CHSY1: variants seen among roughly 807,000 people sequenced by gnomAD.
CHSY1 encodes the protein chondroitin sulfate synthase 1.
CHSY1 carries 13 observed loss-of-function variants against 59.8 expected under a neutral mutation model. The ratio of observed to expected loss-of-function variants is 0.22; its 90% CI spans 0.14 to 0.35. CHSY1 has a LOEUF of 0.35. Among genes scored for constraint, CHSY1 ranks in the 10% least tolerant of loss-of-function variants. The probability of loss-of-function intolerance (pLI) is 1.00; values close to 1 mark genes in which losing one functional copy is unlikely to be tolerated. For missense variants in CHSY1, 947 were observed against 1,030.6 expected (o/e 0.92, Z 1.11); for synonymous variants, 459 against 401.2 (o/e 1.14, Z -1.72).
chr15:101,248,953 A>AT (rs565187410), intron 1 of CHSY1, among the ~76,000 whole-genome samples: 2,637 of 111,304 alleles, frequency 0.024, 36 homozygotes, highest in East Asian at 0.056. Flanking sequence ...AGCCTGGCTA[A>AT]TTTTTTTTTT....
intron 2 of CHSY1, among the ~76,000 whole-genome samples, chr15:101,191,846 A>G (rs1004272737): frequency 6.6e-6 from 1 of 152,102 alleles, no homozygotes; most frequent in African/African-American, 2.4e-5. Flanking sequence ...CTGGCTTCTC[A>G]TTTATAATAA....
In CHSY1 at chr15:101,250,971, G is replaced by C. The variant is rs552496579; in HGVS notation, c.320+166C>G. 7.2e-5 allele frequency among the ~76,000 whole-genome samples: 11 copies of C among 152,300 alleles called. No homozygotes were observed. In the South Asian group the frequency reaches 2.1e-3, roughly 29 times the overall value. Reference sequence around the variant, plus strand: ...GCGCCGCGCTCACCATCCCGCCTCTGATCTTTTCTCCCTCGGCCCGGCGTC... The same window carrying C: ...GCGCCGCGCTCACCATCCCGCCTCTCATCTTTTCTCCCTCGGCCCGGCGTC... On this transcript the variant is annotated intron_variant, in intron 1 of 2. Coordinates refer to ENST00000254190, the MANE Select transcript of CHSY1 (RefSeq NM_014918.5).
intron 1 of CHSY1, among the ~76,000 whole-genome samples, chr15:101,236,504 A>C (rs1291309464): frequency 6.6e-6 from 1 of 152,126 alleles, no homozygotes; most frequent in African/African-American, 2.4e-5. Flanking sequence ...CTCCCCAGCT[A>C]TGTGGAACTG....
intron 1 of CHSY1, among the ~76,000 whole-genome samples, chr15:101,237,235 A>C (rs933151308): frequency 5.8e-4 from 88 of 151,306 alleles, no homozygotes; most frequent in African/African-American, 2.0e-3. Flanking sequence ...AAAAAAAAAA[A>C]AAAAAAAAAA....
At chr15:101,230,887 T>C (rs1238665374) in intron 2 of CHSY1, among the ~76,000 whole-genome samples, 2 of 152,222 alleles carry the variant, frequency 1.3e-5, no homozygotes, top group African/African-American at 2.4e-5. Flanking sequence ...TGGCCATTCA[T>C]GTTTCAATCT....
intron 1 of CHSY1, among the ~76,000 whole-genome samples, chr15:101,236,355 A>C (rs768083716): frequency 6.6e-6 from 1 of 152,154 alleles, no homozygotes; most frequent in Non-Finnish European, 1.5e-5. Context: ...AGCTTCCCCC[A>C]CACTGTTCTC....
intron 1 of CHSY1, among the ~76,000 whole-genome samples, chr15:101,239,137 A>T (rs1252513375): frequency 6.6e-6 from 1 of 152,234 alleles, no homozygotes; most frequent in Admixed American, 6.5e-5. Flanking sequence ...CAGTCGCAAC[A>T]ATTCTTTGAA....
chr15:101,220,795 G>A (rs1206582776), intron 2 of CHSY1, among the ~76,000 whole-genome samples: 1 of 152,204 alleles, frequency 6.6e-6, no homozygotes, highest in African/African-American at 2.4e-5. Flanking sequence ...CTCAGTCATG[G>A]ACGTAATCAC....
chr15:101,237,220 T>C (rs1250420060), intron 1 of CHSY1, among the ~76,000 whole-genome samples: 2 of 71,974 alleles, frequency 2.8e-5, no homozygotes, highest in Non-Finnish European at 4.8e-5. Flanking sequence ...CAAGACTCCA[T>C]CTAAAAAAAA....
At chr15:101,218,995 A>C (rs1202099692) in intron 2 of CHSY1, among the ~76,000 whole-genome samples, 1 of 152,210 alleles carries the variant, frequency 6.6e-6, no homozygotes, top group African/African-American at 2.4e-5. Context: ...ATTAGAGTTC[A>C]AACTGCAGGC....
At chr15:101,195,498 C>T (rs950578081) in intron 2 of CHSY1, among the ~76,000 whole-genome samples, 1 of 152,176 alleles carries the variant, frequency 6.6e-6, no homozygotes, top group Admixed American at 6.5e-5. Context: ...ATGTGTCAAC[C>T]GAAAGCTACA....
chr15:101,178,164 C>G lies in CHSY1; in HGVS notation c.1633G>C (p.Asp545His). The part of the protein sequence containing the change: ...NILIPLSGRF[D>H]MFVRFMGNFE... ...TTTCCCATAAATCTCACAAACATGT[C>G]GAAACGCCCAGACAAAGGAATCAGT... Residue 545 changes from aspartate to histidine, a missense_variant, in exon 3 of 3, where the codon GAC (aspartate) becomes CAC (histidine). Asp to His is a moderately conservative substitution (Grantham distance 81, BLOSUM62 -1). This residue lies in a region of CHSY1 where 602 missense variants were observed against 676.9 expected (regional missense o/e 0.89). Transcript: ENST00000254190. 2 of 1,614,170 alleles carry G rather than the reference C, an allele frequency of 1.2e-6. No homozygotes were observed. The highest frequency in any genetic ancestry group is 2.2e-5 in the South Asian group (2 of 91,070).
At chr15:101,237,048 T>C (rs1397503693) in intron 1 of CHSY1, among the ~76,000 whole-genome samples, 1 of 131,840 alleles carries the variant, frequency 7.6e-6, no homozygotes, top group African/African-American at 3.6e-5. Flanking sequence ...TGAAACCCCA[T>C]CTCTACTAAA....
chr15:101,228,226 G>A (rs879662299), intron 2 of CHSY1, among the ~76,000 whole-genome samples: 2 of 151,906 alleles, frequency 1.3e-5, no homozygotes, highest in Non-Finnish European at 2.9e-5. Flanking sequence ...GTGAGAAAGA[G>A]AAAGAAAACA....
chr15:101,239,170 G>C (rs1186655616), intron 1 of CHSY1, among the ~76,000 whole-genome samples: 4 of 152,164 alleles, frequency 2.6e-5, no homozygotes, highest in Non-Finnish European at 5.9e-5. Flanking sequence ...TTCAGTGCTT[G>C]GCACATAATA....
chr15:101,236,851 T>A (rs533618745), intron 1 of CHSY1, among the ~76,000 whole-genome samples: 29 of 150,478 alleles, frequency 1.9e-4, no homozygotes, highest in East Asian at 2.1e-4. Context: ...AAAATAATTT[T>A]AAAAACCCCT....
chr15:101,219,681 C>T (rs1200273795), intron 2 of CHSY1, among the ~76,000 whole-genome samples: 2 of 152,132 alleles, frequency 1.3e-5, no homozygotes, highest in Admixed American at 1.3e-4. Flanking sequence ...TTTTCAAGTA[C>T]TGTCTCGTAC....
Position 101,177,877 on chromosome 15 carries a change from G to A in CHSY1, c.1920C>T (p.Phe640=). Residue 640 remains phenylalanine (F), a synonymous_variant, in exon 3 of 3, where the codon TTC becomes TTT. Coordinates refer to ENST00000254190, the MANE Select transcript of CHSY1 (RefSeq NM_014918.5). ...CTGTATTTGCTCGACATCGCTGAAG[G>A]AATTCTGTAGTAAACACGAGGTCGA... The part of the protein sequence containing the change: ...CDVDLVFTTE[F]LQRCRANTVL... 3.1e-6 allele frequency: 5 copies of A among 1,614,222 alleles called. No homozygotes were observed. Among genetic ancestry groups the A allele is most frequent in the Non-Finnish European group, 4.2e-6 (5 of 1,180,034 alleles).
intron 2 of CHSY1, among the ~76,000 whole-genome samples, chr15:101,187,202 G>A (rs1291492571): frequency 6.6e-6 from 1 of 152,188 alleles, no homozygotes; most frequent in African/African-American, 2.4e-5. Flanking sequence ...ATTTTGGGCC[G>A]GGCCAGTGGC....
Sources: allele counts gnomAD v4.1 joint callset (sites outside exome capture counted in the v4.1 genomes callset), GRCh38; gene constraint gnomAD v4.1.1; regional missense constraint gnomAD v4.1.1; transcripts MANE v1.5; gene names NCBI Gene and HGNC (gene_info 2026-07-23, HGNC 2026-07-21).